EPHA6: variants seen among roughly 807,000 people sequenced by gnomAD.
The protein encoded by EPHA6 is EPH receptor A6, also known as ephrin type-A receptor 6.
Under a neutral mutation model 112.0 loss-of-function variants are expected in EPHA6, and 50 were observed. The ratio of observed to expected loss-of-function variants is 0.45; its 90% confidence interval spans 0.36 to 0.56. EPHA6 has a LOEUF of 0.56. EPHA6 is among the 20% of genes least tolerant of loss of function. The probability of loss-of-function intolerance (pLI) is 0.00; values close to 1 mark genes in which losing one functional copy is unlikely to be tolerated. For missense variants in EPHA6, 1,280 were observed against 1,417.4 expected (o/e 0.90, Z 1.56); for synonymous variants, 529 against 490.7 (o/e 1.08, Z -1.03).
intron 14 of EPHA6, among the ~76,000 whole-genome samples, chr3:97,677,513 G>A (rs1243221974): frequency 2.0e-5 from 3 of 152,072 alleles, no homozygotes; most frequent in Non-Finnish European, 4.4e-5. Flanking sequence ...CTGAGTTCAG[G>A]AGTTCAAGAC....
chr3:97,399,417 T>G (rs550942798), intron 5 of EPHA6, among the ~76,000 whole-genome samples: 140 of 151,606 alleles, frequency 9.2e-4, no homozygotes, highest in African/African-American at 3.2e-3. Flanking sequence ...GTGGGGGGCT[T>G]AGGGTTTTCA....
intron 1 of EPHA6, among the ~76,000 whole-genome samples, chr3:96,842,456 C>A (rs2034807950): frequency 6.6e-6 from 1 of 151,962 alleles, no homozygotes; most frequent in African/African-American, 2.4e-5. Flanking sequence ...CAGATTATAT[C>A]CGAGAGGTTA....
chr3:97,018,867 AC>A (rs2107971737), intron 3 of EPHA6, among the ~76,000 whole-genome samples: 1 of 151,998 alleles, frequency 6.6e-6, no homozygotes, highest in East Asian at 1.9e-4. Flanking sequence ...TTGACACGCT[AC>A]CCTTAGACCA....
chr3:97,662,489 C>T (rs867002116), intron 14 of EPHA6, among the ~76,000 whole-genome samples: 9 of 152,188 alleles, frequency 5.9e-5, no homozygotes, highest in African/African-American at 1.2e-4. Flanking sequence ...AGACTGAAGG[C>T]GACAAAACAA....
intron 11 of EPHA6, among the ~76,000 whole-genome samples, chr3:97,573,837 TTAA>T (rs2093357131): frequency 6.6e-6 from 1 of 152,048 alleles, no homozygotes; most frequent in Admixed American, 6.5e-5. Flanking sequence ...GAAAGATAAA[TTAA>T]TGTTTCCTGA....
intron 5 of EPHA6, among the ~76,000 whole-genome samples, chr3:97,259,577 A>T (rs947346168): frequency 4.6e-5 from 7 of 152,182 alleles, no homozygotes; most frequent in African/African-American, 1.7e-4. Flanking sequence ...CTATCCCTGG[A>T]GCCTCGAACA....
At chr3:96,956,018 T>C (rs2041743810) in intron 2 of EPHA6, among the ~76,000 whole-genome samples, 1 of 152,180 alleles carries the variant, frequency 6.6e-6, no homozygotes, top group African/African-American at 2.4e-5. Flanking sequence ...CAGTACGAAA[T>C]GGAATAAACA....
chr3:97,654,415 A>G (rs957775962), intron 14 of EPHA6, among the ~76,000 whole-genome samples: 1 of 151,962 alleles, frequency 6.6e-6, no homozygotes, highest in South Asian at 2.1e-4. Flanking sequence ...ACATATTCCA[A>G]TAAGTAAGCT....
intron 6 of EPHA6, among the ~76,000 whole-genome samples, chr3:97,415,767 A>G (rs1025080641): frequency 4.6e-5 from 7 of 152,092 alleles, no homozygotes; most frequent in African/African-American, 1.7e-4. Flanking sequence ...TCAGTAACAA[A>G]ATATCTGTAA....
intron 2 of EPHA6, among the ~76,000 whole-genome samples, chr3:96,934,853 A>G (rs1175842663): frequency 6.6e-6 from 1 of 151,730 alleles, no homozygotes; most frequent in East Asian, 1.9e-4. Context: ...GTTAGAAAAA[A>G]CATCCTTTAA....
chr3:96,832,735 A>G (rs1031282771), intron 1 of EPHA6, among the ~76,000 whole-genome samples: 3 of 152,114 alleles, frequency 2.0e-5, no homozygotes, highest in Non-Finnish European at 4.4e-5. Flanking sequence ...TAAGTCTAAT[A>G]TTTTTTAAAT....
At chr3:97,044,560 C>A (rs2045436368) in intron 3 of EPHA6, among the ~76,000 whole-genome samples, 2 of 152,072 alleles carry the variant, frequency 1.3e-5, no homozygotes, top group Admixed American at 1.3e-4. Flanking sequence ...TCTCATTTGC[C>A]TGGTTCTTTA....
chr3:97,611,755 A>G (rs1201002151), intron 13 of EPHA6, among the ~76,000 whole-genome samples: 1 of 151,898 alleles, frequency 6.6e-6, no homozygotes, highest in South Asian at 2.1e-4. Context: ...GGGATGTTAC[A>G]TTATTTTTCT....
At chr3:97,729,181 T>C (rs2034919858) in intron 15 of EPHA6, among the ~76,000 whole-genome samples, 1 of 152,120 alleles carries the variant, frequency 6.6e-6, no homozygotes, top group South Asian at 2.1e-4. Context: ...ACGCCTTTTT[T>C]CTATAATTCT....
rs113879702 is a variant in EPHA6 at position 97,520,941 on chromosome 3, A to G, written c.2201-11417A>G. ...TAGACTGGTTTTTGTGAAAAGACCT[A>G]TATTCAAGTTCTAAAATTCTTCTTC... On this transcript the variant is annotated intron_variant, in intron 10 of 17. Transcript: ENST00000389672. Among the ~76,000 whole-genome samples the G allele has an allele frequency of 1.7e-3, 264 of 152,216 alleles. 1 individual carries two copies. Among genetic ancestry groups the G allele is most frequent in the African/African-American group, 6.0e-3 (251 of 41,568 alleles).
chr3:97,704,217 C>T (rs1273331818), intron 14 of EPHA6, among the ~76,000 whole-genome samples: 1 of 152,120 alleles, frequency 6.6e-6, no homozygotes, highest in Non-Finnish European at 1.5e-5. Flanking sequence ...TCTGGTAAAA[C>T]ATTATTTCTG....
chr3:97,130,529 G>C (rs1317236562), intron 3 of EPHA6, among the ~76,000 whole-genome samples: 2 of 151,850 alleles, frequency 1.3e-5, no homozygotes. Flanking sequence ...TGCTATTTTT[G>C]TCATTTTTCT....
chr3:96,891,212 T>G (rs2037941157), intron 2 of EPHA6, among the ~76,000 whole-genome samples: 1 of 152,006 alleles, frequency 6.6e-6, no homozygotes, highest in South Asian at 2.1e-4. Flanking sequence ...GTAAAATATA[T>G]AAATAAATGG....
rs1209720286 is a variant in EPHA6 at position 97,663,978 on chromosome 3, A to T, written c.2784+25896A>T. Among the ~76,000 whole-genome samples, 5 of 152,274 alleles carry T rather than the reference A, an allele frequency of 3.3e-5. No individual in the cohort carries two copies. In the East Asian group the frequency reaches 5.8e-4, roughly 18 times the overall value. On this transcript the variant is annotated intron_variant, in intron 14 of 17. Transcript: ENST00000389672. Reference sequence around the variant, plus strand: ...AGTGTAAAAGTGTTCCTATTTCTCCACATCCTCTCCAGCACCTGTTGTTTC... The same window carrying T: ...AGTGTAAAAGTGTTCCTATTTCTCCTCATCCTCTCCAGCACCTGTTGTTTC...
Sources: gnomAD v4.1 joint callset for allele counts (sites outside exome capture counted in the v4.1 genomes callset) on GRCh38, gnomAD v4.1.1 for gene constraint, MANE v1.5 for transcripts, NCBI Gene and HGNC (gene_info 2026-07-23, HGNC 2026-07-21) for gene names.